XKR6: variants seen among roughly 807,000 people sequenced by gnomAD.
XKR6 encodes XK related 6.
Under a neutral mutation model 56.7 loss-of-function variants are expected in XKR6, and 22 were observed. The observed-to-expected ratio is 0.39, with a 90% confidence interval of 0.28 to 0.55. XKR6 has a LOEUF of 0.55. XKR6 is among the 20% of genes least tolerant of loss of function. The pLI is 0.66. For synonymous variants in XKR6, 524 were observed against 387.8 expected (o/e 1.35, Z -4.13); for missense variants, 852 against 889.0 (o/e 0.96, Z 0.53).
At chr8:11,118,739 C>G (rs574884629) in intron 1 of XKR6, among the ~76,000 whole-genome samples, 1 of 152,160 alleles carries the variant, frequency 6.6e-6, no homozygotes, top group Non-Finnish European at 1.5e-5. Flanking sequence ...ATCAATTTGG[C>G]TGATCTTTTC....
At chr8:10,949,553 C>G (rs569898092) in intron 1 of XKR6, among the ~76,000 whole-genome samples, 1 of 152,232 alleles carries the variant, frequency 6.6e-6, no homozygotes, top group Non-Finnish European at 1.5e-5. Flanking sequence ...GGGAGGCCTC[C>G]GATGTGCCAG....
intron 1 of XKR6, among the ~76,000 whole-genome samples, chr8:11,024,193 A>C: frequency 6.7e-6 from 1 of 148,530 alleles, no homozygotes; most frequent in African/African-American, 2.5e-5. Context: ...CAGACAACAT[A>C]CCTGTTAGGA....
chr8:11,049,825 G>C (rs1454360479), intron 1 of XKR6, among the ~76,000 whole-genome samples: 2 of 152,174 alleles, frequency 1.3e-5, no homozygotes, highest in African/African-American at 4.8e-5. Flanking sequence ...GCTTTAAAAG[G>C]CCTTCAAGAG....
At chr8:11,131,940 A>G (rs533395623) in intron 1 of XKR6, among the ~76,000 whole-genome samples, 43 of 152,250 alleles carry the variant, frequency 2.8e-4, no homozygotes, top group Admixed American at 1.3e-3. Context: ...AAGACTGCCT[A>G]TGCATTTCTC....
At chr8:10,960,803 A>G (rs1802037698) in intron 1 of XKR6, among the ~76,000 whole-genome samples, 1 of 152,298 alleles carries the variant, frequency 6.6e-6, no homozygotes, top group South Asian at 2.1e-4. Flanking sequence ...CAGCACACAC[A>G]GCGTAAGGGC....
intron 1 of XKR6, among the ~76,000 whole-genome samples, chr8:11,020,134 G>A (rs1798717353): frequency 1.3e-5 from 2 of 151,976 alleles, no homozygotes; most frequent in African/African-American, 4.8e-5. Context: ...CTTCTGCCCT[G>A]ACTCCGTGGA....
rs1182358741 is a variant in XKR6 at position 11,200,896 on chromosome 8, C to A, written c.444G>T (p.Trp148Cys). 1 of 1,610,734 alleles carries A rather than the reference C, an allele frequency of 6.2e-7. No individual in the cohort carries two copies. Among genetic ancestry groups the A allele is most frequent in the East Asian group, 2.2e-5 (1 of 44,740 alleles). The change falls in exon 1 of 3, where the codon TGG becomes TGT. Residue 148 changes from tryptophan (W) to cysteine (C), a missense_variant. Physicochemically the swap from Trp to Cys is radical, Grantham distance 215. Transcript: ENST00000416569. The surrounding 1 kb of genome is among the most constrained non-coding windows in gnomAD (Gnocchi z 6.4). ...VFFGDVGTDLWLALDYYRKGD... is the reference protein window; with the variant it reads ...VFFGDVGTDLCLALDYYRKGD... The stretch of plus-strand genomic sequence containing the variant: ...CCTTGCGGTAGTAGTCGAGGGCCAG[C>A]CACAGGTCGGTGCCCACGTCCCCGA...
intron 1 of XKR6, among the ~76,000 whole-genome samples, chr8:11,084,212 G>T (rs999424285): frequency 2.0e-5 from 3 of 152,180 alleles, no homozygotes; most frequent in South Asian, 2.1e-4. Flanking sequence ...ACCTAATTAG[G>T]TTATGACTTC....
chr8:10,903,469 AT>A (rs1191349636), intron 2 of XKR6, among the ~76,000 whole-genome samples: 1 of 152,078 alleles, frequency 6.6e-6, no homozygotes. Context: ...GCATTTTCTT[AT>A]TGAGAAGGGC....
At position 11,001,557 on chromosome 8, in the gene XKR6, T is replaced by C. The variant is rs187500929; in HGVS notation, c.765-76727A>G. On this transcript the variant is annotated intron_variant, in intron 1 of 2. Coordinates refer to ENST00000416569, the MANE Select transcript of XKR6 (RefSeq NM_173683.4). ...CCTCTCTACCCCTATAGCCAGTCCT[T>C]GGATCCCAATTCTGGGCCAGGCAGG... 1.7e-3 allele frequency among the ~76,000 whole-genome samples: 260 copies of C among 152,366 alleles called. 1 individual carries two copies. The highest frequency in any genetic ancestry group is 6.1e-3 in the African/African-American group (252 of 41,584).
chr8:10,911,718 A>T (rs1304810615), intron 2 of XKR6, among the ~76,000 whole-genome samples: 1 of 148,744 alleles, frequency 6.7e-6, no homozygotes, highest in East Asian at 2.0e-4. Flanking sequence ...AGAGAGAGAG[A>T]GTGAGGGGTG....
intron 1 of XKR6, among the ~76,000 whole-genome samples, chr8:10,981,283 C>T (rs930304308): frequency 6.6e-6 from 1 of 152,182 alleles, no homozygotes; most frequent in African/African-American, 2.4e-5. Context: ...TTATGAATTG[C>T]TCCCATGGCA....
chr8:11,027,341 G>T (rs1297793638), intron 1 of XKR6, among the ~76,000 whole-genome samples: 2 of 152,178 alleles, frequency 1.3e-5, no homozygotes, highest in Admixed American at 6.5e-5. Context: ...ATATGTTATA[G>T]AATTAAAATT....
chr8:11,067,279 C>T (rs978911083), intron 1 of XKR6, among the ~76,000 whole-genome samples: 3 of 152,178 alleles, frequency 2.0e-5, no homozygotes, highest in African/African-American at 7.2e-5. Context: ...TAAACCTGCA[C>T]ATTTGGCTTG....
At chr8:10,950,763 G>A (rs1586345058) in intron 1 of XKR6, among the ~76,000 whole-genome samples, 1 of 152,190 alleles carries the variant, frequency 6.6e-6, no homozygotes, top group African/African-American at 2.4e-5. Flanking sequence ...TGGCTTGCTG[G>A]CCAAACCTTC....
At chr8:11,116,205 G>A (rs970506817) in intron 1 of XKR6, among the ~76,000 whole-genome samples, 33 of 152,146 alleles carry the variant, frequency 2.2e-4, no homozygotes, top group African/African-American at 7.2e-4. Context: ...GTATGTCGGA[G>A]GGCACTGTTC....
At chr8:11,090,153 T>C (rs1266296350) in intron 1 of XKR6, among the ~76,000 whole-genome samples, 1 of 152,198 alleles carries the variant, frequency 6.6e-6, no homozygotes, top group Non-Finnish European at 1.5e-5. Flanking sequence ...GTGCAAATTA[T>C]AGCTCACTGC....
At chr8:11,179,715 T>A (rs550913442) in intron 1 of XKR6, among the ~76,000 whole-genome samples, 12 of 152,302 alleles carry the variant, frequency 7.9e-5, no homozygotes, top group African/African-American at 2.9e-4. Context: ...TCACACTGTT[T>A]GTTCACCCAG....
intron 1 of XKR6, among the ~76,000 whole-genome samples, chr8:10,941,246 A>C (rs1321051004): frequency 6.6e-6 from 1 of 151,962 alleles, no homozygotes; most frequent in East Asian, 1.9e-4. Context: ...GCAACCCTTC[A>C]GCCCTTGACT....
Sources: gnomAD v4.1 joint callset for allele counts (sites outside exome capture counted in the v4.1 genomes callset) on GRCh38, gnomAD v4.1.1 for gene constraint, Gnocchi (gnomAD v3.1) non-coding constraint, MANE v1.5 for transcripts, NCBI Gene and HGNC (gene_info 2026-07-23, HGNC 2026-07-21) for gene names.